OSBPL8: variants seen among roughly 807,000 people sequenced by gnomAD.
OSBPL8 encodes the protein oxysterol-binding protein-related protein 8.
A neutral mutation model predicts 125.5 loss-of-function variants in OSBPL8; 59 were observed. The ratio of observed to expected loss-of-function variants is 0.47; its 90% confidence interval spans 0.38 to 0.58. OSBPL8 has a LOEUF of 0.58. OSBPL8 is among the 20% of genes least tolerant of loss of function. OSBPL8 has a pLI of 0.00. For missense variants in OSBPL8, 758 were observed against 1,047.8 expected, an observed-to-expected ratio of 0.72 and a Z score of 3.82; for synonymous variants, 330 against 338.9, an observed-to-expected ratio of 0.97 and a Z score of 0.29.
At chr12:76,435,332 T>C (rs1252561829) in intron 4 of OSBPL8, among the ~76,000 whole-genome samples, 1 of 152,116 alleles carries the variant, frequency 6.6e-6, no homozygotes, top group Admixed American at 6.6e-5. Context: ...CTCTCTTATA[T>C]GTAGAATTTA....
chr12:76,432,202 CAA>C (rs935119834), intron 4 of OSBPL8, among the ~76,000 whole-genome samples: 6 of 151,948 alleles, frequency 3.9e-5, no homozygotes, highest in African/African-American at 7.3e-5. Flanking sequence ...AAAAACAAGA[CAA>C]ACAAAAAACA....
At chr12:76,407,410 C>A (rs1166766295) in intron 5 of OSBPL8, among the ~76,000 whole-genome samples, 1 of 152,124 alleles carries the variant, frequency 6.6e-6, no homozygotes, top group African/African-American at 2.4e-5. Context: ...GCCACCACAC[C>A]CGGCTAATTT....
intron 4 of OSBPL8, among the ~76,000 whole-genome samples, chr12:76,432,105 G>GT (rs1870904645): frequency 6.6e-6 from 1 of 152,024 alleles, no homozygotes; most frequent in African/African-American, 2.4e-5. Flanking sequence ...ATCGATAACA[G>GT]TAAGAAAACA....
At chr12:76,408,761 A>C (rs1954383740) in intron 5 of OSBPL8, among the ~76,000 whole-genome samples, 1 of 152,138 alleles carries the variant, frequency 6.6e-6, no homozygotes, top group African/African-American at 2.4e-5. Context: ...ACTGTACCCA[A>C]AGCATAGTTC....
At chr12:76,464,823 C>T (rs1346867374) in intron 2 of OSBPL8, among the ~76,000 whole-genome samples, 1 of 152,176 alleles carries the variant, frequency 6.6e-6, no homozygotes, top group Non-Finnish European at 1.5e-5. Context: ...CACCTTTTCA[C>T]CCAATAAAGT....
chr12:76,481,257 A>G (rs1487877644), intron 2 of OSBPL8, among the ~76,000 whole-genome samples: 3 of 152,200 alleles, frequency 2.0e-5, no homozygotes, highest in African/African-American at 7.2e-5. Context: ...TACAGTCGCA[A>G]TAGGATAAGA....
At chr12:76,484,818 G>C (rs1378669929) in intron 2 of OSBPL8, among the ~76,000 whole-genome samples, 1 of 152,090 alleles carries the variant, frequency 6.6e-6, no homozygotes, top group Non-Finnish European at 1.5e-5. Flanking sequence ...TATTTCAGTA[G>C]TTTACACTGA....
chr12:76,526,743 C>A (rs151022391), intron 1 of OSBPL8, among the ~76,000 whole-genome samples: 1 of 145,806 alleles, frequency 6.9e-6, no homozygotes, highest in East Asian at 2.0e-4. Flanking sequence ...CTCCGCCTCC[C>A]GGGTTCCAGC....
At chr12:76,376,158 C>A (rs1217037108) in intron 16 of OSBPL8, among the ~76,000 whole-genome samples, 3 of 152,162 alleles carry the variant, frequency 2.0e-5, no homozygotes, top group African/African-American at 7.2e-5. Context: ...CTTTATGTAA[C>A]ATAACTACTG....
chr12:76,553,221 G>C (rs1950993530), intron 1 of OSBPL8, among the ~76,000 whole-genome samples: 1 of 151,726 alleles, frequency 6.6e-6, no homozygotes, highest in Non-Finnish European at 1.5e-5. Flanking sequence ...TTTCCACATG[G>C]GCCCCAGCCT....
At chr12:76,464,412 A>G (rs192734499) in intron 2 of OSBPL8, among the ~76,000 whole-genome samples, 1 of 152,252 alleles carries the variant, frequency 6.6e-6, no homozygotes, top group Admixed American at 6.5e-5. Flanking sequence ...TATCAGTAAT[A>G]AAAGTTTCAG....
intron 1 of OSBPL8, among the ~76,000 whole-genome samples, chr12:76,512,447 T>C (rs1881098501): frequency 6.6e-6 from 1 of 152,244 alleles, no homozygotes; most frequent in African/African-American, 2.4e-5. Flanking sequence ...ATAAAGTCTT[T>C]TTCCCATTGC....
chr12:76,447,656 G>C (rs962971233), intron 4 of OSBPL8, among the ~76,000 whole-genome samples: 4 of 151,934 alleles, frequency 2.6e-5, no homozygotes, highest in East Asian at 1.9e-4. Context: ...TGATTCCCCT[G>C]CCTCAGCCTC....
intron 1 of OSBPL8, among the ~76,000 whole-genome samples, chr12:76,524,876 G>A (rs1440878771): frequency 6.6e-6 from 1 of 151,984 alleles, no homozygotes; most frequent in Admixed American, 6.5e-5. Flanking sequence ...TAGAGACGGG[G>A]TATCGTCATG....
Position 76,544,394 on chromosome 12 carries a change from A to G in OSBPL8, c.-68+15003T>C, listed in dbSNP as rs184869607. ...ATTTGTCACCACAGAATGTAGGTTA[A>G]AAGAATGAGGTGAAAGACAGTAAAG... On this transcript the variant is annotated intron_variant, in intron 1 of 23. Coordinates refer to ENST00000261183, the MANE Select transcript of OSBPL8 (RefSeq NM_020841.5). 2.6e-3 allele frequency among the ~76,000 whole-genome samples: 398 copies of G among 152,320 alleles called. 1 individual carries two copies. Among genetic ancestry groups the G allele is most frequent in the Non-Finnish European group, 4.3e-3 (292 of 68,012 alleles).
At chr12:76,428,082 A>G (rs980109934) in intron 4 of OSBPL8, among the ~76,000 whole-genome samples, 2 of 152,094 alleles carry the variant, frequency 1.3e-5, no homozygotes, top group Non-Finnish European at 2.9e-5. Context: ...TGTAAATGGT[A>G]TCTTTCTTCT....
intron 6 of OSBPL8, among the ~76,000 whole-genome samples, chr12:76,402,461 T>C (rs185787302): frequency 6.6e-5 from 10 of 152,190 alleles, no homozygotes; most frequent in African/African-American, 1.7e-4. Context: ...CAGTTGCCAT[T>C]TGAGGCCTAA....
chr12:76,492,316 G>A (rs1565941847), intron 1 of OSBPL8, among the ~76,000 whole-genome samples: 1 of 152,174 alleles, frequency 6.6e-6, no homozygotes, highest in Non-Finnish European at 1.5e-5. Context: ...TGAGGAATAG[G>A]AGGAAAGCAA....
At chr12:76,487,741 TAAA>T (rs941297116) in intron 1 of OSBPL8, 123 bp from the exon 2 acceptor site, 1 of 380,792 alleles carries the variant, frequency 2.6e-6, no homozygotes, top group Non-Finnish European at 4.6e-6. Flanking sequence ...ATTCAATAAT[TAAA>T]AAAAAAATTG....
Sources: allele counts gnomAD v4.1 joint callset (sites outside exome capture counted in the v4.1 genomes callset), GRCh38; gene constraint gnomAD v4.1.1; transcripts MANE v1.5; gene names NCBI Gene and HGNC (gene_info 2026-07-23, HGNC 2026-07-21).